MICAL2: variants seen among roughly 807,000 people sequenced by gnomAD.
MICAL2 encodes microtubule associated monooxygenase, calponin and LIM domain containing 2, also known as [F-actin]-monooxygenase MICAL2.
A neutral mutation model predicts 127.3 loss-of-function variants in MICAL2; 77 were observed. The ratio of observed to expected loss-of-function variants is 0.60; its 90% CI spans 0.50 to 0.73. The LOEUF is 0.73. Among genes scored for constraint, MICAL2 ranks in the 30% least tolerant of loss-of-function variants. The pLI is 0.00. For synonymous variants in MICAL2, 570 were observed against 551.1 expected, an observed-to-expected ratio of 1.03 and a Z score of -0.48; for missense variants, 1,351 against 1,434.4, an observed-to-expected ratio of 0.94 and a Z score of 0.94.
chr11:12,235,537 G>GAT (rs1284365436), intron 15 of MICAL2, among the ~76,000 whole-genome samples: 1 of 152,194 alleles, frequency 6.6e-6, no homozygotes, highest in East Asian at 1.9e-4. Flanking sequence ...TAGGCTGTAT[G>GAT]GTCACGCTAG....
intron 3 of MICAL2, among the ~76,000 whole-genome samples, chr11:12,193,126 T>A (rs1023694492): frequency 7.9e-5 from 12 of 152,202 alleles, no homozygotes; most frequent in African/African-American, 2.7e-4. Flanking sequence ...TTTGCAGGCC[T>A]GAATTAAATC....
At chr11:12,200,867 C>T (rs1048867173) in intron 3 of MICAL2, among the ~76,000 whole-genome samples, 2 of 152,216 alleles carry the variant, frequency 1.3e-5, no homozygotes, top group African/African-American at 4.8e-5. Flanking sequence ...TGGGTCGGGC[C>T]TGGTGGACAG....
intron 25 of MICAL2, among the ~76,000 whole-genome samples, chr11:12,259,320 A>G (rs951092629): frequency 6.6e-6 from 1 of 152,188 alleles, no homozygotes; most frequent in Non-Finnish European, 1.5e-5. Flanking sequence ...TTCTTCACTA[A>G]CTGTATATCA....
At chr11:12,208,262 C>T in intron 5 of MICAL2, 123 bp downstream of exon 5, 2 of 713,070 alleles carry the variant, frequency 2.8e-6, no homozygotes, top group East Asian at 2.6e-5. Context: ...GGCATAATGC[C>T]ACTGAAGGGT....
chr11:12,213,381 A>C lies in MICAL2; in HGVS notation c.818A>C (p.Lys273Thr). 6.2e-7 allele frequency: 1 copy of C among 1,613,884 alleles called. No homozygotes were observed. The highest frequency in any genetic ancestry group is 8.5e-7 in the Non-Finnish European group (1 of 1,179,874). ...GGTGTGGCTTTCATCTTCAATCAGA[A>C]ATTTTTTCAGGACCTTAAAGAAGAA... ...ISGVAFIFNQKFFQDLKEETG... is the reference protein window; with the variant it reads ...ISGVAFIFNQTFFQDLKEETG... The change falls in exon 7 of 28, where the codon AAA becomes ACA. Residue 273 changes from lysine to threonine, a missense_variant. Coordinates refer to ENST00000683283, the MANE Select transcript of MICAL2 (RefSeq NM_001282663.2).
chr11:12,123,929 A>G (rs1259719375), intron 1 of MICAL2, among the ~76,000 whole-genome samples: 1 of 152,192 alleles, frequency 6.6e-6, no homozygotes. Context: ...GAAGGGAGCT[A>G]TCACCTCCAG....
chr11:12,203,150 G>A (rs1237139153), intron 3 of MICAL2, among the ~76,000 whole-genome samples: 3 of 152,106 alleles, frequency 2.0e-5, no homozygotes, highest in Admixed American at 1.3e-4. Context: ...ACCACATTTG[G>A]TTTCTTCATC....
At chr11:12,293,478 G>A (rs190845111), downstream of MICAL2, 49 of 1,473,272 alleles carry the variant, frequency 3.3e-5, no homozygotes, top group African/African-American at 5.9e-4. Context: ...CAGGGAGGGG[G>A]TTGTAGATTG....
intron 21 of MICAL2, 87 bp downstream of exon 21, chr11:12,244,199 A>G: frequency 6.5e-7 from 1 of 1,540,048 alleles, no homozygotes; most frequent in Non-Finnish European, 9.0e-7. Flanking sequence ...AAACATCTTG[A>G]GCCTGGCTTG....
At chr11:12,134,154 A>G (rs10831740) in intron 1 of MICAL2, among the ~76,000 whole-genome samples, 52,547 of 152,112 alleles carry the variant, frequency 0.35, 9,651 homozygotes, top group Admixed American at 0.4. Context: ...ATTGAAGGTT[A>G]GACAAGATCA....
At chr11:12,283,056 A>G (rs1356035679) in intron 2 of MICAL2, among the ~76,000 whole-genome samples, 1 of 152,186 alleles carries the variant, frequency 6.6e-6, no homozygotes, top group African/African-American at 2.4e-5. Context: ...CTCTCAAACA[A>G]TTCTTTGTCG....
chr11:12,331,045 G>A (rs1210243095), intron 32 of MICAL2, among the ~76,000 whole-genome samples: 3 of 152,032 alleles, frequency 2.0e-5, no homozygotes, highest in Non-Finnish European at 4.4e-5. Flanking sequence ...ATTCCTGGGG[G>A]CCCTACCACC....
At chr11:12,230,721 C>CA (rs200348369) in intron 15 of MICAL2, among the ~76,000 whole-genome samples, 1 of 151,794 alleles carries the variant, frequency 6.6e-6, no homozygotes, top group South Asian at 2.1e-4. Flanking sequence ...CTTTCCCCCC[C>CA]CATCTTATTT....
In MICAL2 at chr11:12,346,991, G is replaced by C. The variant is rs577884886; in HGVS notation, c.5516-2847G>C. Among the ~76,000 whole-genome samples the C allele has an allele frequency of 2.6e-5, 4 of 152,086 alleles. No individual in the cohort carries two copies. In the South Asian group the frequency reaches 8.3e-4, roughly 32 times the overall value. On this transcript the variant is annotated intron_variant, in intron 32 of 34. Coordinates refer to the MICAL2 transcript ENST00000646065. ...GTCCCTTTGTGTTCTACAGCATGAA[G>C]TGCAAATGCCTTAGCACTACTCTCT...
At chr11:12,268,647 C>T (rs2134747258), downstream of MICAL2, among the ~76,000 whole-genome samples, 1 of 152,316 alleles carries the variant, frequency 6.6e-6, no homozygotes, top group Admixed American at 6.5e-5. Flanking sequence ...GAGAGGCTGC[C>T]TGCCCGGCAG....
At position 12,162,398 on chromosome 11, in the gene MICAL2, G is replaced by A. The variant is rs1486032446; in HGVS notation, c.243G>A (p.Gly81=). The stretch of plus-strand genomic sequence containing the variant: ...GTTCCCACAAAGAGTATAAGCGAGG[G>A]AAGTCGTGCACGAACACCAAGGTAA... ...KRGSHKEYKR[G]KSCTNTKCLI... The change falls in exon 3 of 28, where the codon GGG becomes GGA. Residue 81 remains glycine, a synonymous_variant. Transcript: ENST00000683283. 2 of 1,614,254 alleles carry A rather than the reference G, an allele frequency of 1.2e-6. No individual in the cohort carries two copies.
At chr11:12,274,911 G>T (rs568891302), upstream of MICAL2, among the ~76,000 whole-genome samples, 1 of 151,978 alleles carries the variant, frequency 6.6e-6, no homozygotes, top group Admixed American at 6.5e-5. Flanking sequence ...AATAGACTGT[G>T]GGGGTGGGGC....
At chr11:12,246,989 G>A (rs1258154575) in intron 21 of MICAL2, among the ~76,000 whole-genome samples, 2 of 152,170 alleles carry the variant, frequency 1.3e-5, no homozygotes, top group East Asian at 1.9e-4. Context: ...TGCTGGGGAG[G>A]GAAGGGTGGC....
At chr11:12,239,778 A>G (rs1859609924) in intron 17 of MICAL2, among the ~76,000 whole-genome samples, 193 bp downstream of exon 17, 1 of 152,222 alleles carries the variant, frequency 6.6e-6, no homozygotes, top group Non-Finnish European at 1.5e-5. Context: ...TGGAAGCCAT[A>G]CTGTCTCTGT....
Sources: allele counts gnomAD v4.1 joint callset (sites outside exome capture counted in the v4.1 genomes callset), GRCh38; gene constraint gnomAD v4.1.1; transcripts MANE v1.5; gene names NCBI Gene and HGNC (gene_info 2026-07-23, HGNC 2026-07-21).